OSBP: variants seen among roughly 807,000 people sequenced by gnomAD.
OSBP encodes oxysterol binding protein.
A neutral mutation model predicts 96.6 loss-of-function variants in OSBP; 32 were observed. That is an observed-to-expected ratio of 0.33 (90% confidence interval 0.25 to 0.45). OSBP has a LOEUF of 0.45. Among genes scored for constraint, OSBP ranks in the 20% least tolerant of loss-of-function variants. OSBP has a pLI of 1.00. For synonymous variants in OSBP, 369 were observed against 389.6 expected, an observed-to-expected ratio of 0.95 and a Z score of 0.62; for missense variants, 653 against 1,029.7, an observed-to-expected ratio of 0.63 and a Z score of 5.01.
intron 1 of OSBP, among the ~76,000 whole-genome samples, chr11:59,612,755 GAAA>G: frequency 6.6e-6 from 1 of 152,288 alleles, no homozygotes; most frequent in Admixed American, 6.5e-5. Context: ...GTTCTTCCCT[GAAA>G]AGGCTAGCTG....
At chr11:59,600,702 G>A (rs577441671) in intron 6 of OSBP, 75 bp from the exon 7 acceptor site, 132 of 1,546,600 alleles carry the variant, frequency 8.5e-5, no homozygotes, top group Non-Finnish European at 1.1e-4. Flanking sequence ...CCCTTCCCCC[G>A]TGCTAAAAAA....
intron 9 of OSBP, among the ~76,000 whole-genome samples, chr11:59,582,401 C>A (rs1346315901): frequency 1.3e-5 from 2 of 152,112 alleles, no homozygotes; most frequent in African/African-American, 4.8e-5. Context: ...GTGGAGTTTC[C>A]TGGTTGGTGA....
rs1468841155 is a variant in OSBP, at chr11:59,576,786, T to C, written c.2281+19A>G. On this transcript the variant is annotated intron_variant, in intron 13 of 13. Coordinates refer to ENST00000263847, the MANE Select transcript of OSBP (RefSeq NM_002556.3). ...TTCTCCATGCATCAAGAAAGAAGAG[T>C]AGAAGGGAAGTTCATTACCATCCTC... 7 of 1,613,114 alleles carry C rather than the reference T, an allele frequency of 4.3e-6. No homozygotes were observed. Among genetic ancestry groups the C allele is most frequent in the Non-Finnish European group, 5.1e-6 (6 of 1,179,714 alleles).
intron 3 of OSBP, among the ~76,000 whole-genome samples, chr11:59,605,894 A>G (rs1860775030): frequency 6.6e-6 from 1 of 152,174 alleles, no homozygotes; most frequent in South Asian, 2.1e-4. Flanking sequence ...TAGGTCATAG[A>G]GGCAGTTGGA....
chr11:59,600,890 C>A lies in OSBP; in HGVS notation c.1125-17G>T. ...CCAGTACGTCTGTACAGATGGGAAA[C>A]ACAGGAGAATTAGAACAAAGACCAG... On this transcript the variant is annotated splice_polypyrimidine_tract_variant and intron_variant, in intron 5 of 13. Transcript: ENST00000263847. 1.9e-6 allele frequency: 3 copies of A among 1,610,470 alleles called. No homozygotes were observed. The highest frequency in any genetic ancestry group is 2.5e-6 in the Non-Finnish European group (3 of 1,176,812).
intron 9 of OSBP, among the ~76,000 whole-genome samples, chr11:59,587,373 G>A (rs1860512689): frequency 6.6e-6 from 1 of 151,836 alleles, no homozygotes; most frequent in Non-Finnish European, 1.5e-5. Flanking sequence ...GTGTTGCAGG[G>A]GGCCTGTAAT....
intron 10 of OSBP, among the ~76,000 whole-genome samples, 178 bp downstream of exon 10, chr11:59,581,273 G>A (rs1478647233): frequency 6.6e-6 from 1 of 152,158 alleles, no homozygotes; most frequent in African/African-American, 2.4e-5. Flanking sequence ...AATAATTTGT[G>A]GTACAGAAAA....
At chr11:59,608,452 C>A in intron 3 of OSBP, 32 bp downstream of exon 3, 2 of 1,613,376 alleles carry the variant, frequency 1.2e-6, no homozygotes, top group South Asian at 2.2e-5. Context: ...GGGAATGAAT[C>A]AAAAAGCAAC....
chr11:59,579,200 C>T (rs924107420), intron 11 of OSBP, among the ~76,000 whole-genome samples: 10 of 152,166 alleles, frequency 6.6e-5, no homozygotes, highest in Admixed American at 5.9e-4. Flanking sequence ...TTCAGTCTCC[C>T]ACAGAAACTC....
intron 1 of OSBP, among the ~76,000 whole-genome samples, chr11:59,614,682 G>A (rs1328809753): frequency 6.6e-6 from 1 of 152,220 alleles, no homozygotes; most frequent in African/African-American, 2.4e-5. Flanking sequence ...AAGCAGCACT[G>A]GGGTGCACAT....
At chr11:59,613,659 A>T (rs1860882609) in intron 1 of OSBP, among the ~76,000 whole-genome samples, 1 of 152,236 alleles carries the variant, frequency 6.6e-6, no homozygotes, top group Non-Finnish European at 1.5e-5. Flanking sequence ...AAAATTTTAG[A>T]TTTGTAATCT....
chr11:59,603,255 T>C (rs188185799), intron 3 of OSBP, among the ~76,000 whole-genome samples: 57 of 152,316 alleles, frequency 3.7e-4, no homozygotes, highest in Non-Finnish European at 5.9e-4. Context: ...GCTCTGTACA[T>C]AATAGGGATC....
intron 5 of OSBP, 74 bp from the exon 6 acceptor site, chr11:59,600,947 A>G: frequency 1.6e-6 from 2 of 1,273,610 alleles, no homozygotes; most frequent in Non-Finnish European, 2.3e-6. Context: ...ATTTCTTTAC[A>G]AAGCAGAATG....
chr11:59,578,503 T>C (rs949666550), intron 11 of OSBP, among the ~76,000 whole-genome samples, 173 bp from the exon 12 acceptor site: 1 of 152,202 alleles, frequency 6.6e-6, no homozygotes, highest in Non-Finnish European at 1.5e-5. Flanking sequence ...CAGGCTGGAG[T>C]ACACTGATGC....
At position 59,594,036 on chromosome 11, in the gene OSBP, TCTC is replaced by T; in HGVS notation, c.1528_1530del (p.Glu510del). ...TGTTCACAGAGGGATCGGTACCCAT[TCTC>T]CTCTAATCGGTCCAGCTCAAAGGTC... On this transcript the variant is annotated inframe_deletion, in exon 8 of 14. Coordinates refer to ENST00000263847, the MANE Select transcript of OSBP (RefSeq NM_002556.3). 6.2e-7 allele frequency: 1 copy of T among 1,614,102 alleles called. No individual in the cohort carries two copies. The highest frequency in any genetic ancestry group is 8.5e-7 in the Non-Finnish European group (1 of 1,180,002).
chr11:59,609,328 T>TGAAAA (rs1860817701), intron 2 of OSBP, among the ~76,000 whole-genome samples: 1 of 152,096 alleles, frequency 6.6e-6, no homozygotes, highest in Admixed American at 6.5e-5. Context: ...AAAGCCACCA[T>TGAAAA]GAAAAGAATG....
At chr11:59,610,938 G>A (rs990198680) in intron 1 of OSBP, among the ~76,000 whole-genome samples, 9 of 151,486 alleles carry the variant, frequency 5.9e-5, no homozygotes, top group Non-Finnish European at 1.2e-4. Flanking sequence ...GTTCCAGACC[G>A]GCCTGGCTAA....
intron 9 of OSBP, among the ~76,000 whole-genome samples, chr11:59,590,293 C>T (rs186187812): frequency 5.9e-5 from 9 of 152,302 alleles, no homozygotes; most frequent in African/African-American, 2.2e-4. Flanking sequence ...CTCAGTGAGA[C>T]TATTAGGCTG....
chr11:59,600,924 T>C, intron 5 of OSBP, 51 bp from the exon 6 acceptor site: 2 of 1,493,506 alleles, frequency 1.3e-6, no homozygotes, highest in East Asian at 2.3e-5. Flanking sequence ...AGAACTAGAG[T>C]GTGGTCCTGG....
Sources: allele counts gnomAD v4.1 joint callset (sites outside exome capture counted in the v4.1 genomes callset), GRCh38; gene constraint gnomAD v4.1.1; transcripts MANE v1.5; gene names NCBI Gene and HGNC (gene_info 2026-07-23, HGNC 2026-07-21).